Variants in ZNF385D observed in about 807,000 individuals in gnomAD.
ZNF385D encodes the protein zinc finger protein 385D, also known as zinc finger protein 659.
ZNF385D carries 15 observed loss-of-function variants against 35.8 expected under a neutral mutation model. That is an observed-to-expected ratio of 0.42 (90% CI 0.28 to 0.64). ZNF385D has a LOEUF of 0.64. Ranked by LOEUF, ZNF385D falls within the 30% of genes least tolerant of loss-of-function variation. ZNF385D has a pLI of 0.23. For missense variants in ZNF385D, 474 were observed against 494.6 expected (o/e 0.96, Z 0.39); for synonymous variants, 212 against 186.8 (o/e 1.13, Z -1.10).
intron 3 of ZNF385D, among the ~76,000 whole-genome samples, chr3:22,081,421 A>G (rs939002937): frequency 2.0e-5 from 3 of 152,200 alleles, no homozygotes; most frequent in Non-Finnish European, 4.4e-5. Context: ...TTATAGTGAA[A>G]CACACATATA....
intron 3 of ZNF385D, among the ~76,000 whole-genome samples, chr3:22,084,145 C>T (rs529842843): frequency 6.6e-6 from 1 of 152,180 alleles, no homozygotes; most frequent in African/African-American, 2.4e-5. Context: ...ATTGTAACGA[C>T]CATCGTTGCT....
chr3:21,757,697 T>C (rs967595695), intron 3 of ZNF385D, among the ~76,000 whole-genome samples: 14 of 152,166 alleles, frequency 9.2e-5, no homozygotes, highest in African/African-American at 3.4e-4. Context: ...ATTCTTTATA[T>C]TTCAACATAT....
At chr3:21,651,401 G>A (rs1467133637) in intron 2 of ZNF385D, among the ~76,000 whole-genome samples, 1 of 150,162 alleles carries the variant, frequency 6.7e-6, no homozygotes, top group Non-Finnish European at 1.5e-5. Flanking sequence ...TTTTCATTCA[G>A]CTAAAATGGA....
chr3:22,034,874 A>T (rs186898560), intron 3 of ZNF385D, among the ~76,000 whole-genome samples: 1 of 152,300 alleles, frequency 6.6e-6, no homozygotes, highest in East Asian at 1.9e-4. Flanking sequence ...TTAATAAAAA[A>T]TATCTAAAAG....
chr3:21,952,592 G>C (rs930093605), intron 3 of ZNF385D, among the ~76,000 whole-genome samples: 5 of 151,822 alleles, frequency 3.3e-5, no homozygotes, highest in African/African-American at 1.2e-4. Flanking sequence ...TTAAAATATA[G>C]ATAATAATAA....
chr3:22,114,638 A>C (rs563475396), intron 3 of ZNF385D, among the ~76,000 whole-genome samples: 3 of 151,994 alleles, frequency 2.0e-5, no homozygotes, highest in Non-Finnish European at 1.5e-5. Flanking sequence ...TTAGAAGACA[A>C]TTTGTGTGGA....
intron 2 of ZNF385D, among the ~76,000 whole-genome samples, chr3:21,641,030 A>T (rs1174101934): frequency 6.6e-6 from 1 of 152,082 alleles, no homozygotes; most frequent in Non-Finnish European, 1.5e-5. Context: ...ATCAGAACAC[A>T]TATTCATAAC....
chr3:22,282,987 A>G (rs1701842088), intron 2 of ZNF385D, among the ~76,000 whole-genome samples: 1 of 152,128 alleles, frequency 6.6e-6, no homozygotes, highest in Non-Finnish European at 1.5e-5. Flanking sequence ...AAAGGGGTGG[A>G]CAAAGATATT....
intron 2 of ZNF385D, among the ~76,000 whole-genome samples, chr3:22,271,475 T>C (rs1449624831): frequency 6.6e-6 from 1 of 151,332 alleles, no homozygotes; most frequent in African/African-American, 2.4e-5. Flanking sequence ...GAAAAAAAAA[T>C]AGATTTCCCT....
intron 2 of ZNF385D, among the ~76,000 whole-genome samples, chr3:21,640,444 A>G (rs879568696): frequency 1.4e-4 from 21 of 152,224 alleles, no homozygotes; most frequent in Admixed American, 9.2e-4. Flanking sequence ...GATTCGTATG[A>G]TGAAGCCCTA....
intron 2 of ZNF385D, among the ~76,000 whole-genome samples, chr3:22,351,272 T>C (rs1695904341): frequency 6.6e-6 from 1 of 152,100 alleles, no homozygotes; most frequent in South Asian, 2.1e-4. Context: ...GTCACTGAGA[T>C]TCTATCAAAG....
At chr3:21,762,821 A>G (rs1029276528) in intron 3 of ZNF385D, among the ~76,000 whole-genome samples, 1 of 152,142 alleles carries the variant, frequency 6.6e-6, no homozygotes, top group African/African-American at 2.4e-5. Flanking sequence ...GAAAAGGCCT[A>G]TTCATCTTGG....
At chr3:21,699,734 C>T (rs9833071) in intron 1 of ZNF385D, among the ~76,000 whole-genome samples, 22,268 of 150,926 alleles carry the variant, frequency 0.15, 1,741 homozygotes, top group East Asian at 0.22. Context: ...AATTAATTTT[C>T]CTTGTTTTGC....
intron 5 of ZNF385D, among the ~76,000 whole-genome samples, chr3:21,426,240 G>T (rs1294460792): frequency 6.6e-6 from 1 of 152,148 alleles, no homozygotes; most frequent in Non-Finnish European, 1.5e-5. Flanking sequence ...ACAGCTTAAT[G>T]ACTCTGAAAA....
chr3:22,191,894 T>G (rs1225679401), intron 2 of ZNF385D, among the ~76,000 whole-genome samples: 1 of 134,710 alleles, frequency 7.4e-6, no homozygotes, highest in Non-Finnish European at 1.6e-5. Context: ...ATTAAATAAC[T>G]CTGAGGTACC....
intron 2 of ZNF385D, among the ~76,000 whole-genome samples, chr3:22,331,253 A>G (rs1010543369): frequency 6.6e-6 from 1 of 152,154 alleles, no homozygotes; most frequent in Non-Finnish European, 1.5e-5. Flanking sequence ...AAGGCTTTGC[A>G]TAGATTACAC....
intron 3 of ZNF385D, among the ~76,000 whole-genome samples, chr3:22,025,851 T>C (rs1346154443): frequency 6.6e-6 from 1 of 152,182 alleles, no homozygotes; most frequent in African/African-American, 2.4e-5. Context: ...AAGAGCCCTG[T>C]AATTGCTCTT....
At chr3:21,766,446 G>C (rs2070833525) in intron 3 of ZNF385D, among the ~76,000 whole-genome samples, 1 of 152,088 alleles carries the variant, frequency 6.6e-6, no homozygotes, top group African/African-American at 2.4e-5. Context: ...TTAAAGCACG[G>C]TCAGAACACA....
At chr3:22,003,205 C>CT (rs1331849441) in intron 3 of ZNF385D, among the ~76,000 whole-genome samples, 4 of 152,132 alleles carry the variant, frequency 2.6e-5, no homozygotes, top group Non-Finnish European at 5.9e-5. Flanking sequence ...TCTCTTAGAA[C>CT]TGACAAAAGA....
Sources: gnomAD v4.1 joint callset for allele counts (sites outside exome capture counted in the v4.1 genomes callset) on GRCh38, gnomAD v4.1.1 for gene constraint, MANE v1.5 for transcripts, NCBI Gene and HGNC (gene_info 2026-07-23, HGNC 2026-07-21) for gene names.